Variants in CACNA1I observed in about 807,000 individuals in gnomAD.
CACNA1I encodes the protein calcium voltage-gated channel subunit alpha1 I.
In CACNA1I, 74 loss-of-function variants were observed where a neutral mutation model predicts 201.6. The ratio of observed to expected loss-of-function variants is 0.37; its 90% CI spans 0.30 to 0.45. CACNA1I has a LOEUF of 0.45. Among genes scored for constraint, CACNA1I ranks in the 20% least tolerant of loss-of-function variants. The pLI is 1.00. For synonymous variants in CACNA1I, 1,431 were observed against 1,345.2 expected (o/e 1.06, Z -1.40); for missense variants, 2,346 against 3,138.1 (o/e 0.75, Z 6.03).
Position 39,658,946 on chromosome 22 carries a change from G to A in CACNA1I, c.2160G>A (p.Val720=), listed in dbSNP as rs1435453650. 1 of 1,599,488 alleles carries A rather than the reference G, an allele frequency of 6.3e-7. No individual in the cohort carries two copies. The highest frequency in any genetic ancestry group is 1.7e-5 in the Admixed American group (1 of 58,656). The change falls in exon 12 of 37, where the codon GTG becomes GTA. Residue 720 remains valine (V), a synonymous_variant. Coordinates refer to ENST00000402142, the MANE Select transcript of CACNA1I (RefSeq NM_021096.4). ...IIVIISIWEI[V]GQADGGLSVL... ...GGGACCGCAGCATCTGGGAGATTGT[G>A]GGGCAGGCGGACGGTGGGCTGTCGG...
At chr22:39,572,656 A>G (rs1932223897) in intron 1 of CACNA1I, among the ~76,000 whole-genome samples, 1 of 152,094 alleles carries the variant, frequency 6.6e-6, no homozygotes, top group Non-Finnish European at 1.5e-5. Context: ...TAGTTCACCC[A>G]GCACTCACTG....
At chr22:39,674,361 C>T (rs551182036) in intron 29 of CACNA1I, among the ~76,000 whole-genome samples, 2 of 152,274 alleles carry the variant, frequency 1.3e-5, no homozygotes, top group East Asian at 1.9e-4. Flanking sequence ...CTCCAGCATG[C>T]TCCAGAGAGA....
In CACNA1I at chr22:39,677,296, C is replaced by A; in HGVS notation, c.4855-45C>A. 1 of 1,389,632 alleles carries A rather than the reference C, an allele frequency of 7.2e-7. No homozygotes were observed. Among genetic ancestry groups the A allele is most frequent in the East Asian group, 2.4e-5 (1 of 41,028 alleles). 86.1% of individuals were successfully genotyped at this position (1,389,632 alleles called of 1,614,324 possible). A position where few individuals can be genotyped will look rare whatever the true frequency, so the allele number is the denominator to read the frequency against. On this transcript the variant is annotated intron_variant, in intron 29 of 36. Coordinates refer to ENST00000402142, the MANE Select transcript of CACNA1I (RefSeq NM_021096.4). The surrounding 1 kb of genome is among the most constrained non-coding windows in gnomAD (Gnocchi z 4.8). ...CACCCTTCCCAGGCCTGGTGCGCCC[C>A]CACCCGCTCCCCAGCCCCACCCGGC...
At chr22:39,669,676 G>GTGGA (rs941733930) in intron 24 of CACNA1I, among the ~76,000 whole-genome samples, 3 of 151,692 alleles carry the variant, frequency 2.0e-5, no homozygotes, top group East Asian at 1.9e-4. Flanking sequence ...GGATGGGTGG[G>GTGGA]TGGATGGATG....
intron 28 of CACNA1I, among the ~76,000 whole-genome samples, chr22:39,673,511 C>T (rs780423468): frequency 1.3e-5 from 2 of 152,212 alleles, no homozygotes; most frequent in African/African-American, 2.4e-5. Context: ...CAAGGTAGTT[C>T]GTACACTTCT....
chr22:39,651,293 C>A (rs1401164662), intron 10 of CACNA1I, among the ~76,000 whole-genome samples: 1 of 152,208 alleles, frequency 6.6e-6, no homozygotes, highest in East Asian at 1.9e-4. Context: ...GGAGGCCCTG[C>A]ATGCCGCACC....
intron 31 of CACNA1I, 129 bp downstream of exon 31, chr22:39,678,237 G>A (rs1013659360): frequency 4.6e-6 from 5 of 1,093,386 alleles, no homozygotes; most frequent in Non-Finnish European, 6.5e-6. Flanking sequence ...AGGGCACGGA[G>A]GAGTGGAGGG....
chr22:39,634,805 C>G, intron 5 of CACNA1I, 81 bp downstream of exon 5: 1 of 1,385,488 alleles, frequency 7.2e-7, no homozygotes, highest in Non-Finnish European at 1.0e-6. Flanking sequence ...CATTGGGAAT[C>G]AGGACCAATG....
At chr22:39,586,675 T>G (rs1056287639) in intron 1 of CACNA1I, among the ~76,000 whole-genome samples, 1 of 152,132 alleles carries the variant, frequency 6.6e-6, no homozygotes, top group African/African-American at 2.4e-5. Flanking sequence ...TGCAGGTGCA[T>G]GAGAGGCAGC....
intron 21 of CACNA1I, 52 bp downstream of exon 21, chr22:39,664,975 A>G: frequency 1.9e-6 from 3 of 1,560,882 alleles, no homozygotes; most frequent in Middle Eastern, 1.9e-4. Context: ...CTGTACCGAG[A>G]AGCCACGGGT....
At position 39,659,427 on chromosome 22, in the gene CACNA1I, C is replaced by G. The variant is rs887956753; in HGVS notation, c.2331-6C>G. ...GTCCGATGAGCCTCTTCCATCCTTT[C>G]CCCAGCATCCTTGGGATGCATATTT... On this transcript the variant is annotated splice_region_variant and splice_polypyrimidine_tract_variant and intron_variant, in intron 12 of 36. Transcript: ENST00000402142. This position sits in a 1 kb window ranked among gnomAD's most constrained non-coding sequence, Gnocchi z 4.3. The G allele has an allele frequency of 6.5e-7, 1 of 1,533,780 alleles. No homozygotes were observed. Among genetic ancestry groups the G allele is most frequent in the Non-Finnish European group, 8.9e-7 (1 of 1,129,354 alleles).
rs1569087949 is a variant in CACNA1I at position 39,662,129 on chromosome 22, G to A, written c.3066G>A (p.Ala1022=). Residue 1022 remains alanine, a synonymous_variant, in exon 17 of 37, where the codon GCG becomes GCA. Coordinates refer to ENST00000402142, the MANE Select transcript of CACNA1I (RefSeq NM_021096.4). ...GCGCCCGGGTCTGCGAGGTTGCCGC[G>A]GACGAGGGGCCGCCGCGGGCCGCAC... ...GGGARVCEVA[A]DEGPPRAAPL... The A allele has an allele frequency of 3.3e-6, 5 of 1,526,614 alleles. No homozygotes were observed. Among genetic ancestry groups the A allele is most frequent in the Non-Finnish European group, 4.4e-6 (5 of 1,140,922 alleles). The allele number at this position is 1,526,614 out of a possible 1,614,324, so 94.6% of individuals were successfully genotyped here. A position where few individuals can be genotyped will look rare whatever the true frequency, so the allele number is the denominator to read the frequency against.
At position 39,672,452 on chromosome 22, in the gene CACNA1I, G is replaced by C. The variant is rs960943044; in HGVS notation, c.4649+144G>C. On this transcript the variant is annotated intron_variant, in intron 27 of 36. Transcript: ENST00000402142. ...CGGATGGACAGGCACCCCAGCTGCT[G>C]CTTATAGCTCTGAACAGGAAATAAT... 5 of 687,572 alleles carry C rather than the reference G, an allele frequency of 7.3e-6. No individual in the cohort carries two copies. In the African/African-American group the frequency reaches 8.8e-5, roughly 12 times the overall value. 42.6% of individuals were successfully genotyped at this position (687,572 alleles called of 1,614,324 possible).
chr22:39,679,539 C>T (rs1935628471), intron 32 of CACNA1I, 94 bp downstream of exon 32: 1 of 1,089,484 alleles, frequency 9.2e-7, no homozygotes, highest in Non-Finnish European at 1.3e-6. Context: ...GCACAGAGAC[C>T]TCTGTCTTTC....
chr22:39,573,258 C>G (rs771005408), intron 1 of CACNA1I, among the ~76,000 whole-genome samples: 2 of 152,204 alleles, frequency 1.3e-5, no homozygotes, highest in Non-Finnish European at 2.9e-5. Flanking sequence ...GATTCTGGCT[C>G]TGTCACTTGG....
rs1935787360 is a variant in CACNA1I at position 39,684,253 on chromosome 22, C to T, written c.5831-49C>T. The T allele has an allele frequency of 3.2e-6, 5 of 1,564,748 alleles. No homozygotes were observed. The highest frequency in any genetic ancestry group is 2.3e-5 in the East Asian group (1 of 43,864). On this transcript the variant is annotated intron_variant, in intron 35 of 36. Transcript: ENST00000402142. This position sits in a 1 kb window ranked among gnomAD's most constrained non-coding sequence, Gnocchi z 4.6. The stretch of plus-strand genomic sequence containing the variant: ...TCAATGCCACCTTCCAGGGGCTGCC[C>T]CCTGGCCTGAGCGTGCTCCCTCAGC...
chr22:39,661,329 C>G lies in CACNA1I; in HGVS notation c.2901+19C>G. 1 of 1,526,472 alleles carries G rather than the reference C, an allele frequency of 6.6e-7. No individual in the cohort carries two copies. Among genetic ancestry groups the G allele is most frequent in the Non-Finnish European group, 8.8e-7 (1 of 1,135,988 alleles). 94.6% of individuals were successfully genotyped at this position (1,526,472 alleles called of 1,614,324 possible). A position where few individuals can be genotyped will look rare whatever the true frequency, so the allele number is the denominator to read the frequency against. ...CTCCCTGGTGAGTCCTTGTGGGGAGCTCTGGACGGGCGCTTCCTGCTGGGG... is the reference window on the plus strand; with the variant it reads ...CTCCCTGGTGAGTCCTTGTGGGGAGGTCTGGACGGGCGCTTCCTGCTGGGG... On this transcript the variant is annotated intron_variant, in intron 16 of 36. Coordinates refer to ENST00000402142, the MANE Select transcript of CACNA1I (RefSeq NM_021096.4).
chr22:39,586,619 C>T (rs762551655), intron 1 of CACNA1I, among the ~76,000 whole-genome samples: 7 of 152,192 alleles, frequency 4.6e-5, no homozygotes, highest in East Asian at 1.9e-4. Flanking sequence ...CTGGCACATG[C>T]GAGTGAGAAT....
rs374663784 is a variant in CACNA1I at position 39,570,986 on chromosome 22, C to T, written c.234C>T (p.Asn78=). 1 of 1,612,658 alleles carries T rather than the reference C, an allele frequency of 6.2e-7. No homozygotes were observed. The highest frequency in any genetic ancestry group is 1.3e-5 in the African/African-American group (1 of 74,976). ...PRNWCIKMVC[N]PWFECVSMLV... is the part of the protein sequence containing the mutation. Reference sequence around the variant, plus strand: ...ACTGGTGCATCAAGATGGTGTGCAACCCATATCCTCCGCAGCCTCGGCTGA... The same window carrying T: ...ACTGGTGCATCAAGATGGTGTGCAATCCATATCCTCCGCAGCCTCGGCTGA... Residue 78 remains asparagine, a splice_region_variant and synonymous_variant, in exon 1 of 37, where the codon AAC becomes AAT. Transcript: ENST00000402142.
Sources: allele counts gnomAD v4.1 joint callset (sites outside exome capture counted in the v4.1 genomes callset), GRCh38; gene constraint gnomAD v4.1.1; non-coding constraint Gnocchi (gnomAD v3.1); transcripts MANE v1.5; gene names NCBI Gene and HGNC (gene_info 2026-07-23, HGNC 2026-07-21).